Variants in TYW1B observed in about 807,000 individuals in gnomAD.
TYW1B encodes S-adenosyl-L-methionine-dependent tRNA 4-demethylwyosine synthase TYW1B.
A neutral mutation model predicts 86.9 loss-of-function variants in TYW1B; 73 were observed. That is an observed-to-expected ratio of 0.84 (90% CI 0.70 to 1.02). The LOEUF (loss-of-function observed/expected upper bound fraction) is 1.02. Among genes scored for constraint, TYW1B ranks in the 50% least tolerant of loss-of-function variants. The pLI, the probability that TYW1B is intolerant of heterozygous loss-of-function variation, is 0.00. For missense variants in TYW1B, 637 were observed against 827.4 expected (o/e 0.77, Z 2.82); for synonymous variants, 248 against 292.8 (o/e 0.85, Z 1.56).
At position 72,575,203 on chromosome 7, in the gene TYW1B, T is replaced by C; in HGVS notation, c.*295A>G. On this transcript the variant is annotated 3_prime_UTR_variant, in exon 14 of 14. Transcript: ENST00000620995. ...TTCTGGCAGGTCTTAGAAGTTATAA[T>C]ACAAAACCATCAGTTAAATTCTAAT... 2 of 1,212,598 alleles carry C rather than the reference T, an allele frequency of 1.6e-6. No homozygotes were observed. The highest frequency in any genetic ancestry group is 2.3e-5 in the South Asian group (1 of 44,194). 75.1% of individuals were successfully genotyped at this position (1,212,598 alleles called of 1,614,324 possible).
intron 8 of TYW1B, among the ~76,000 whole-genome samples, chr7:72,731,418 A>C (rs1464655167): frequency 6.0e-5 from 9 of 149,188 alleles, no homozygotes; most frequent in Non-Finnish European, 4.5e-5. Flanking sequence ...AAAAAAAACA[A>C]GAGAGTAAGA....
intron 9 of TYW1B, among the ~76,000 whole-genome samples, chr7:72,726,694 C>T (rs1687611621): frequency 6.6e-6 from 1 of 152,116 alleles, no homozygotes; most frequent in South Asian, 2.1e-4. Flanking sequence ...TAAATTACTA[C>T]TGATCTTGAA....
chr7:72,621,744 TTC>T (rs1414308856), intron 12 of TYW1B, among the ~76,000 whole-genome samples: 2 of 152,226 alleles, frequency 1.3e-5, no homozygotes, highest in Non-Finnish European at 2.9e-5. Flanking sequence ...AAGTCAGACA[TTC>T]TCCTACGACA....
At chr7:72,805,001 T>C (rs1327964242) in intron 5 of TYW1B, among the ~76,000 whole-genome samples, 1 of 151,982 alleles carries the variant, frequency 6.6e-6, no homozygotes, top group Non-Finnish European at 1.5e-5. Context: ...TCAAATCAAA[T>C]CAAAACTGCT....
At chr7:72,583,814 A>G (rs1489024367) in intron 13 of TYW1B, among the ~76,000 whole-genome samples, 5 of 152,206 alleles carry the variant, frequency 3.3e-5, no homozygotes, top group Non-Finnish European at 7.3e-5. Flanking sequence ...AACATGTTGT[A>G]GTCACATTCC....
intron 11 of TYW1B, among the ~76,000 whole-genome samples, chr7:72,667,478 G>A (rs1813493451): frequency 6.6e-6 from 1 of 152,138 alleles, no homozygotes. Context: ...ACTTTGGGAG[G>A]CCAACCCGGG....
chr7:72,626,802 T>C (rs1812359431), intron 12 of TYW1B, among the ~76,000 whole-genome samples: 1 of 152,022 alleles, frequency 6.6e-6, no homozygotes, highest in Admixed American at 6.6e-5. Flanking sequence ...ACCACTCACT[T>C]TGTGACTGTT....
chr7:72,804,651 A>AAC (rs1788463187), intron 5 of TYW1B, among the ~76,000 whole-genome samples: 1 of 152,174 alleles, frequency 6.6e-6, no homozygotes, highest in African/African-American at 2.4e-5. Context: ...CAGCCTGGGC[A>AAC]ACACAGTGGG....
chr7:72,785,125 A>C (rs1788105900), intron 6 of TYW1B, among the ~76,000 whole-genome samples: 1 of 152,010 alleles, frequency 6.6e-6, no homozygotes, highest in African/African-American at 2.4e-5. Flanking sequence ...TCTAGTTCTT[A>C]GAAACCACTC....
chr7:72,808,740 T>A (rs1377718088), intron 4 of TYW1B, among the ~76,000 whole-genome samples: 2 of 152,090 alleles, frequency 1.3e-5, no homozygotes, highest in African/African-American at 4.8e-5. Flanking sequence ...TTGGTCAGGC[T>A]GGGGTCGAAC....
intron 11 of TYW1B, among the ~76,000 whole-genome samples, chr7:72,659,927 G>A (rs1388622765): frequency 1.3e-5 from 2 of 152,118 alleles, no homozygotes; most frequent in Non-Finnish European, 2.9e-5. Context: ...GTATCCTAAT[G>A]GTGAGTCTAA....
At chr7:72,816,267 T>G (rs1788719705) in intron 2 of TYW1B, among the ~76,000 whole-genome samples, 1 of 151,906 alleles carries the variant, frequency 6.6e-6, no homozygotes, top group Non-Finnish European at 1.5e-5. Context: ...TCCCAGCTAC[T>G]CGGGAGGCTG....
rs1297444392 is a variant in TYW1B, at chr7:72,585,629, G to A, written c.1786-9910C>T. On this transcript the variant is annotated intron_variant, in intron 13 of 13. Coordinates refer to ENST00000620995, the MANE Select transcript of TYW1B (RefSeq NM_001145440.3). ...AGGAGGGCCTTTCCTGTGCTATTCT[G>A]GAGACAGTGAATAAATCTCACAAGA... Among the ~76,000 whole-genome samples, 3 of 152,226 alleles carry A rather than the reference G, an allele frequency of 2.0e-5. No individual in the cohort carries two copies. In the East Asian group the frequency reaches 5.8e-4, roughly 29 times the overall value.
chr7:72,793,754 CAAAAAA>C (rs11327564), intron 6 of TYW1B, among the ~76,000 whole-genome samples: 1 of 70,934 alleles, frequency 1.4e-5, no homozygotes, highest in African/African-American at 4.8e-5. Context: ...GACTCCGTCT[CAAAAAA>C]AAAAAAAAAA....
In TYW1B at chr7:72,628,935, G is replaced by A. The variant is rs184046288; in HGVS notation, c.1569C>T (p.Ala523=). 2.4e-4 allele frequency: 384 copies of A among 1,594,342 alleles called. 3 individuals are homozygous for A. In the Admixed American group the frequency reaches 6.7e-3, roughly 28 times the overall value. The change falls in exon 12 of 14, where the codon GCC becomes GCT. Residue 523 remains alanine (A), a synonymous_variant. Coordinates refer to ENST00000620995, the MANE Select transcript of TYW1B (RefSeq NM_001145440.3). ...VKAWNVDELQ[A]YAQLVSLGNP... Reference sequence around the variant, plus strand: ...TCCCCAGGGACACGAGCTGCGCGTAGGCCTGGAGCTCGTCCACGTTCCATG... The same window carrying A: ...TCCCCAGGGACACGAGCTGCGCGTAAGCCTGGAGCTCGTCCACGTTCCATG...
At chr7:72,603,839 G>T (rs1246496500) in intron 13 of TYW1B, among the ~76,000 whole-genome samples, 1 of 151,992 alleles carries the variant, frequency 6.6e-6, no homozygotes, top group Non-Finnish European at 1.5e-5. Flanking sequence ...AAAATCCCTC[G>T]AGTACCCCTC....
At chr7:72,747,893 T>C (rs569562324) in intron 7 of TYW1B, among the ~76,000 whole-genome samples, 7 of 152,338 alleles carry the variant, frequency 4.6e-5, no homozygotes, top group African/African-American at 1.7e-4. Context: ...TATGTTTTGT[T>C]AAATGTAAAT....
At chr7:72,740,333 G>A (rs1454210249) in intron 8 of TYW1B, among the ~76,000 whole-genome samples, 1 of 151,868 alleles carries the variant, frequency 6.6e-6, no homozygotes, top group Non-Finnish European at 1.5e-5. Flanking sequence ...CCAGGAAGTG[G>A]AGGTTGCAGT....
At chr7:72,816,729 T>G (rs1488849065) in intron 2 of TYW1B, among the ~76,000 whole-genome samples, 1 of 152,128 alleles carries the variant, frequency 6.6e-6, no homozygotes, top group African/African-American at 2.4e-5. Context: ...GGCCAATGAT[T>G]TAATCAATAG....
Sources: allele counts gnomAD v4.1 joint callset (sites outside exome capture counted in the v4.1 genomes callset), GRCh38; gene constraint gnomAD v4.1.1; transcripts MANE v1.5; gene names NCBI Gene and HGNC (gene_info 2026-07-23, HGNC 2026-07-21).